Variants in MCMBP observed in about 807,000 individuals in gnomAD.
MCMBP encodes the protein minichromosome maintenance complex binding protein, also known as mini-chromosome maintenance complex-binding protein.
Under a neutral mutation model 81.3 loss-of-function variants are expected in MCMBP, and 31 were observed. The observed-to-expected ratio is 0.38, with a 90% confidence interval of 0.29 to 0.51. MCMBP has a LOEUF of 0.51. Ranked by LOEUF, MCMBP falls within the 20% of genes least tolerant of loss-of-function variation. The probability of loss-of-function intolerance (pLI) is 0.87; values close to 1 mark genes in which losing one functional copy is unlikely to be tolerated. For missense variants in MCMBP, 645 were observed against 772.1 expected (o/e 0.84, Z 1.95); for synonymous variants, 267 against 275.9 (o/e 0.97, Z 0.32).
At chr10:119,841,078 G>A (rs1362844767) in intron 10 of MCMBP, 118 bp from the exon 11 acceptor site, 6 of 690,154 alleles carry the variant, frequency 8.7e-6, no homozygotes, top group Non-Finnish European at 1.5e-5. Flanking sequence ...AGAATATTCT[G>A]ACCAGTTATT....
intron 5 of MCMBP, among the ~76,000 whole-genome samples, chr10:119,855,621 AGATTGT>A (rs1853009986): frequency 6.6e-6 from 1 of 152,082 alleles, no homozygotes; most frequent in Non-Finnish European, 1.5e-5. Flanking sequence ...CAGTGAGCCG[AGATTGT>A]GCCACTGCAC....
intron 1 of MCMBP, among the ~76,000 whole-genome samples, chr10:119,864,191 A>G (rs1191362647): frequency 6.6e-6 from 1 of 152,246 alleles, no homozygotes; most frequent in Non-Finnish European, 1.5e-5. Context: ...GAAAAGGAAC[A>G]GATTCTCTCC....
upstream of MCMBP, among the ~76,000 whole-genome samples, chr10:119,873,151 G>A (rs1253361828): frequency 1.3e-5 from 2 of 152,178 alleles, no homozygotes; most frequent in East Asian, 3.9e-4. Context: ...CAGCTGAAAA[G>A]CATTAAGCTC....
At chr10:119,834,400 C>A (rs974247369) in intron 14 of MCMBP, among the ~76,000 whole-genome samples, 2 of 152,078 alleles carry the variant, frequency 1.3e-5, no homozygotes, top group Non-Finnish European at 2.9e-5. Context: ...TCAGTAGAAA[C>A]CAGAGGCCAG....
At chr10:119,842,727 A>G (rs1217621260) in intron 9 of MCMBP, 132 bp from the exon 10 acceptor site, 1 of 931,432 alleles carries the variant, frequency 1.1e-6, no homozygotes, top group East Asian at 2.8e-5. Context: ...ATCCGTCAGT[A>G]AGTGATGCTA....
chr10:119,847,769 T>C (rs191354370), intron 7 of MCMBP, 56 bp from the exon 8 acceptor site: 4 of 1,061,810 alleles, frequency 3.8e-6, no homozygotes, highest in East Asian at 2.4e-5. Flanking sequence ...GCTTAAGATA[T>C]TAGTCTTGAA....
chr10:119,866,495 G>A (rs571929858), intron 1 of MCMBP, among the ~76,000 whole-genome samples: 76 of 152,252 alleles, frequency 5.0e-4, no homozygotes, highest in African/African-American at 1.7e-3. Flanking sequence ...GAATGGTGGT[G>A]CATGCTTGTG....
In MCMBP at chr10:119,836,866, C is replaced by T. The variant is rs200234746; in HGVS notation, c.1542+30G>A. 127 of 1,486,554 alleles carry T rather than the reference C, an allele frequency of 8.5e-5. No homozygotes were observed. In the African/African-American group the frequency reaches 1.4e-3, roughly 17 times the overall value. The allele number at this position is 1,486,554 out of a possible 1,614,324, so 92.1% of individuals were successfully genotyped here. ...ATGTAGGTATTTTTCCAATGTCAACCTCCCTCCATTTAAAAATGACTCATC... is the reference window on the plus strand; with the variant it reads ...ATGTAGGTATTTTTCCAATGTCAACTTCCCTCCATTTAAAAATGACTCATC... On this transcript the variant is annotated intron_variant, in intron 13 of 15. Coordinates refer to ENST00000369077, the MANE Select transcript of MCMBP (RefSeq NM_001256378.2).
chr10:119,858,147 T>C (rs2134388971), intron 4 of MCMBP: 1 of 152,302 alleles, frequency 6.6e-6, no homozygotes, highest in African/African-American at 2.4e-5. Context: ...TACATTACTG[T>C]ATACCATAAA....
intron 4 of MCMBP, chr10:119,858,299 C>G (rs1347502984): frequency 6.6e-6 from 1 of 152,234 alleles, no homozygotes; most frequent in African/African-American, 2.4e-5. Context: ...ATAAAAGACT[C>G]ATTCTAGGAG....
chr10:119,842,666 TAACTACG>T (rs1852474920), intron 9 of MCMBP, 71 bp from the exon 10 acceptor site: 1 of 1,526,174 alleles, frequency 6.6e-7, no homozygotes, highest in Non-Finnish European at 8.8e-7. Context: ...GGTAAAAAAA[TAACTACG>T]TGAGCAAAGC....
intron 14 of MCMBP, among the ~76,000 whole-genome samples, chr10:119,833,149 T>C (rs1167339396): frequency 2.0e-5 from 3 of 152,220 alleles, no homozygotes; most frequent in Admixed American, 6.5e-5. Context: ...AGGAAATTTC[T>C]TTCCAATCAT....
rs1457298804 is a variant in MCMBP at position 119,859,194 on chromosome 10, T to C, written c.145-13A>G. ...TCAGTGATGGTACCTTAAAGGAAAA[T>C]AATCAAGTCAGTCAACTAAATATCC... On this transcript the variant is annotated splice_polypyrimidine_tract_variant and intron_variant, in intron 2 of 15. Transcript: ENST00000369077. 3.1e-6 allele frequency: 5 copies of C among 1,609,042 alleles called. No homozygotes were observed. The highest frequency in any genetic ancestry group is 4.2e-6 in the Non-Finnish European group (5 of 1,178,586).
chr10:119,873,057 C>T (rs1003180867), upstream of MCMBP, among the ~76,000 whole-genome samples: 9 of 151,940 alleles, frequency 5.9e-5, no homozygotes, highest in African/African-American at 9.7e-5. Flanking sequence ...CCAAGGGCGG[C>T]GCGTTGTCGT....
intron 14 of MCMBP, among the ~76,000 whole-genome samples, chr10:119,833,015 G>C (rs1172482645): frequency 6.6e-6 from 1 of 152,176 alleles, no homozygotes; most frequent in Admixed American, 6.5e-5. Context: ...TGTGCGAGCA[G>C]GAAATGAAGG....
At chr10:119,836,761 T>G (rs886194776) in intron 13 of MCMBP, 135 bp downstream of exon 13, 81 of 13,518 alleles carry the variant, frequency 6.0e-3, no homozygotes, top group East Asian at 0.013. Context: ...GTCACAGTTT[T>G]TTTTTTTTTT....
In MCMBP at chr10:119,831,438, A is replaced by C. The variant is rs755823346; in HGVS notation, c.*36T>G. On this transcript the variant is annotated 3_prime_UTR_variant, in exon 16 of 16. Coordinates refer to ENST00000369077, the MANE Select transcript of MCMBP (RefSeq NM_001256378.2). ...ATCTGAATTTTACAATTATGTGGCT[A>C]CAGTTTGCCCATTACTCTTCATAGG... 1 of 1,609,470 alleles carries C rather than the reference A, an allele frequency of 6.2e-7. No individual in the cohort carries two copies. The highest frequency in any genetic ancestry group is 1.7e-5 in the Admixed American group (1 of 59,414).
intron 11 of MCMBP, among the ~76,000 whole-genome samples, chr10:119,840,393 C>G (rs980346527): frequency 1.2e-4 from 19 of 152,162 alleles, no homozygotes; most frequent in African/African-American, 4.3e-4. Flanking sequence ...CCTACCACCA[C>G]GCAAATACTG....
In MCMBP at chr10:119,853,107, C is replaced by A; in HGVS notation, c.517G>T (p.Asp173Tyr). 1 of 1,614,176 alleles carries A rather than the reference C, an allele frequency of 6.2e-7. No homozygotes were observed. Among genetic ancestry groups the A allele is most frequent in the Non-Finnish European group, 8.5e-7 (1 of 1,180,032 alleles). Residue 173 changes from aspartate (D) to tyrosine (Y), a missense_variant, in exon 6 of 16, where the codon GAT (aspartate) becomes TAT (tyrosine). By Grantham distance (160) the Asp-to-Tyr change is radical (BLOSUM62 -3). Coordinates refer to ENST00000369077, the MANE Select transcript of MCMBP (RefSeq NM_001256378.2). Reference sequence around the variant, plus strand: ...TGCTTATTGGGCTGTAGGTCCATATCGTCATCATCTTCATAACTCCTCTTG... The same window carrying A: ...TGCTTATTGGGCTGTAGGTCCATATAGTCATCATCTTCATAACTCCTCTTG... ...RHKRSYEDDD[D>Y]MDLQPNKQKD...
Sources: gnomAD v4.1 joint callset for allele counts (sites outside exome capture counted in the v4.1 genomes callset) on GRCh38, gnomAD v4.1.1 for gene constraint, MANE v1.5 for transcripts, NCBI Gene and HGNC (gene_info 2026-07-23, HGNC 2026-07-21) for gene names.